The following CDK13 variants were observed in gnomAD, a reference collection of about 807,000 sequenced individuals.
CDK13 encodes cyclin-dependent kinase 13.
In CDK13, 40 loss-of-function variants were observed where a neutral mutation model predicts 137.6. The ratio of observed to expected loss-of-function variants is 0.29; its 90% CI spans 0.23 to 0.38. The LOEUF (loss-of-function observed/expected upper bound fraction) is 0.38. Among genes scored for constraint, CDK13 ranks in the 10% least tolerant of loss-of-function variants. CDK13 has a pLI of 1.00. For synonymous variants in CDK13, 869 were observed against 760.1 expected (o/e 1.14, Z -2.36); for missense variants, 1,704 against 1,951.8 (o/e 0.87, Z 2.39).
intron 9 of CDK13, among the ~76,000 whole-genome samples, chr7:40,074,513 A>G (rs1786497805): frequency 7.2e-6 from 1 of 139,062 alleles, no homozygotes; most frequent in African/African-American, 3.0e-5. Flanking sequence ...ACAGAGCAAG[A>G]CACCATCTCA....
At chr7:39,975,271 G>A (rs888949511) in intron 1 of CDK13, among the ~76,000 whole-genome samples, 6 of 151,974 alleles carry the variant, frequency 3.9e-5, no homozygotes, top group Non-Finnish European at 7.4e-5. Flanking sequence ...AAAATTTGCC[G>A]GGCCTGGTGG....
intron 5 of CDK13, among the ~76,000 whole-genome samples, chr7:40,029,868 G>T (rs1317989177): frequency 6.6e-6 from 1 of 152,016 alleles, no homozygotes; most frequent in East Asian, 2.0e-4. Context: ...TGGCCAGGCT[G>T]GTCTCGAACT....
Position 39,961,538 on chromosome 7 carries a change from T to C in CDK13, c.1211+9686T>C, listed in dbSNP as rs186895503. ...CCCTAGACCCTGGTAACCACCATTC[T>C]ACTCCCTACTTCTATGAGTTTGAAT... On this transcript the variant is annotated intron_variant, in intron 1 of 13. Transcript: ENST00000181839. Among the ~76,000 whole-genome samples the C allele has an allele frequency of 4.3e-4, 66 of 152,316 alleles. 1 individual carries two copies. The highest frequency in any genetic ancestry group is 1.5e-3 in the African/African-American group (63 of 41,574).
chr7:40,047,012 C>CAA lies in CDK13; in HGVS notation c.2544-787_2544-786dup, dbSNP rs398040131. 3.0e-3 allele frequency among the ~76,000 whole-genome samples: 192 copies of CAA among 64,456 alleles called. 1 individual carries two copies. Among genetic ancestry groups the CAA allele is most frequent in the African/African-American group, 5.8e-3 (95 of 16,452 alleles). The allele number at this position is 64,456 out of a possible 152,430, so 42.3% of individuals were successfully genotyped here. ...TGACAAAGCAAGCAAGACTCGGTCT[C>CAA]AAAAAAAAAAAAAAAAAAAAAAATC... On this transcript the variant is annotated intron_variant, in intron 6 of 13. Transcript: ENST00000181839.
rs181124389 is a variant in CDK13 at position 40,075,760 on chromosome 7, A to G, written c.2781-2245A>G. Among the ~76,000 whole-genome samples the G allele has an allele frequency of 1.2e-3, 182 of 152,234 alleles. 2 individuals are homozygous for G. Among genetic ancestry groups the G allele is most frequent in the African/African-American group, 4.2e-3 (176 of 41,538 alleles). Reference sequence around the variant, plus strand: ...GCAGCGGCCCATGCTTGTAATCCCAACACTTTAGGAGACTGAGGTGGGAGG... The same window carrying G: ...GCAGCGGCCCATGCTTGTAATCCCAGCACTTTAGGAGACTGAGGTGGGAGG... On this transcript the variant is annotated intron_variant, in intron 9 of 13. Transcript: ENST00000181839.
At chr7:40,087,873 T>A (rs1167690594) in intron 11 of CDK13, among the ~76,000 whole-genome samples, 1 of 152,088 alleles carries the variant, frequency 6.6e-6, no homozygotes, top group South Asian at 2.1e-4. Flanking sequence ...TATTCTTCAT[T>A]CATAATTTTG....
chr7:39,986,028 A>G (rs984432816), intron 1 of CDK13: 2 of 152,176 alleles, frequency 1.3e-5, no homozygotes, highest in African/African-American at 2.4e-5. Context: ...CAGAAGGCAT[A>G]TCTGTTGGGG....
At chr7:40,080,414 C>A (rs1204463747) in intron 11 of CDK13, among the ~76,000 whole-genome samples, 1 of 152,098 alleles carries the variant, frequency 6.6e-6, no homozygotes, top group East Asian at 1.9e-4. Context: ...CTCTGGAGTT[C>A]AAATCCTGGT....
intron 1 of CDK13, among the ~76,000 whole-genome samples, chr7:39,982,018 A>AATT (rs912003601): frequency 2.2e-5 from 3 of 133,650 alleles, no homozygotes; most frequent in African/African-American, 8.6e-5. Flanking sequence ...CTTTTTTTTT[A>AATT]ATTATTATTA....
intron 5 of CDK13, among the ~76,000 whole-genome samples, chr7:40,044,530 G>A (rs1380064795): frequency 6.6e-6 from 1 of 151,970 alleles, no homozygotes. Flanking sequence ...TGTTGCCCAG[G>A]CTGGTTTCAT....
intron 1 of CDK13, among the ~76,000 whole-genome samples, chr7:39,956,062 G>A (rs1159632549): frequency 6.6e-6 from 1 of 151,638 alleles, no homozygotes; most frequent in Non-Finnish European, 1.5e-5. Flanking sequence ...GAAAACTATA[G>A]TTCAAAAGTA....
At chr7:40,031,839 TA>T in intron 5 of CDK13, among the ~76,000 whole-genome samples, 1 of 146,762 alleles carries the variant, frequency 6.8e-6, no homozygotes, top group African/African-American at 2.5e-5. Context: ...TTATTATTAT[TA>T]TTATTATTAT....
chr7:40,079,042 C>A (rs766179556), intron 11 of CDK13, among the ~76,000 whole-genome samples, 191 bp downstream of exon 11: 42 of 152,004 alleles, frequency 2.8e-4, no homozygotes, highest in Non-Finnish European at 5.3e-4. Flanking sequence ...AATGTTTACC[C>A]ATAGGGCTAG....
chr7:40,058,766 A>G (rs186600985), intron 7 of CDK13, among the ~76,000 whole-genome samples: 3 of 152,266 alleles, frequency 2.0e-5, no homozygotes, highest in Non-Finnish European at 4.4e-5. Context: ...GATTTTTGAC[A>G]TTAAAAGCTG....
rs955409577 is a variant in CDK13, at chr7:40,096,965, T to C, written c.*1985T>C. On this transcript the variant is annotated 3_prime_UTR_variant, in exon 14 of 14. Coordinates refer to ENST00000181839, the MANE Select transcript of CDK13 (RefSeq NM_003718.5). ...TATTCAAGTATCTGAAATTTTAATA[T>C]GGTGAGTCTTAGAGCTTTAGACTTT... 1 of 152,176 alleles carries C rather than the reference T, an allele frequency of 6.6e-6. No homozygotes were observed. The highest frequency in any genetic ancestry group is 2.4e-5 in the African/African-American group (1 of 41,462). The allele number at this position is 152,176 out of a possible 1,614,324, so 9.4% of individuals were successfully genotyped here.
Position 39,985,347 on chromosome 7 carries a change from C to A in CDK13, c.1212-2252C>A, listed in dbSNP as rs149102117. The A allele has an allele frequency of 1.5e-3, 234 of 159,358 alleles. 3 individuals carry two copies. In the East Asian group the frequency reaches 0.035, roughly 24 times the overall value. The allele number at this position is 159,358 out of a possible 1,614,324, so 9.9% of individuals were successfully genotyped here. A position where few individuals can be genotyped will look rare whatever the true frequency, so the allele number is the denominator to read the frequency against. On this transcript the variant is annotated intron_variant, in intron 1 of 13. Coordinates refer to ENST00000181839, the MANE Select transcript of CDK13 (RefSeq NM_003718.5). ...AATAGTACTAGATTGTTTATATGTA[C>A]CACATTTTCTTTATCCATTCATCTG...
At chr7:40,054,676 C>T (rs1008312437) in intron 7 of CDK13, among the ~76,000 whole-genome samples, 2 of 152,156 alleles carry the variant, frequency 1.3e-5, no homozygotes, top group African/African-American at 4.8e-5. Context: ...GGTGATCCAC[C>T]CACCTTGGCC....
chr7:39,952,841 A>T (rs983343399), intron 1 of CDK13: 4 of 152,124 alleles, frequency 2.6e-5, no homozygotes, highest in Admixed American at 6.6e-5. Flanking sequence ...TTTTTGTTAT[A>T]TAATATTCTT....
intron 1 of CDK13, among the ~76,000 whole-genome samples, chr7:39,982,000 C>A (rs1784235843): frequency 6.7e-6 from 1 of 148,884 alleles, no homozygotes; most frequent in Admixed American, 6.7e-5. Context: ...CTTTTTTCTT[C>A]TTTTTTTCTT....
Sources: gnomAD v4.1 joint callset for allele counts (sites outside exome capture counted in the v4.1 genomes callset) on GRCh38, gnomAD v4.1.1 for gene constraint, MANE v1.5 for transcripts, NCBI Gene and HGNC (gene_info 2026-07-23, HGNC 2026-07-21) for gene names.